The following OXNAD1 variants were observed in gnomAD, a reference collection of about 807,000 sequenced individuals.
OXNAD1 encodes the protein oxidoreductase NAD binding domain containing 1, also known as oxidoreductase NAD-binding domain-containing protein 1.
In OXNAD1, 34 loss-of-function variants were observed where a neutral mutation model predicts 32.9. The ratio of observed to expected loss-of-function variants is 1.03; its 90% confidence interval spans 0.79 to 1.38. OXNAD1 has a LOEUF of 1.38. Ranked by LOEUF, OXNAD1 falls within the 40% of genes most tolerant of loss-of-function variation. The pLI, the probability that OXNAD1 is intolerant of heterozygous loss-of-function variation, is 0.00. For missense variants in OXNAD1, 407 were observed against 379.4 expected (o/e 1.07, Z -0.60); for synonymous variants, 134 against 135.2 (o/e 0.99, Z 0.06).
Position 16,302,856 on chromosome 3 carries a change from C to G in OXNAD1, c.784+108C>G. ...GTTGGAAGCTGCTGGCTGGGAATGT[C>G]ACTATCTGGGGAATTGGGATGATTC... is the stretch of plus-strand genomic sequence containing the variant. On this transcript the variant is annotated intron_variant, in intron 8 of 8. Transcript: ENST00000285083. This position sits in a 1 kb window ranked among gnomAD's most constrained non-coding sequence, Gnocchi z 4.2. The G allele has an allele frequency of 2.4e-6, 2 of 831,244 alleles. No homozygotes were observed. Among genetic ancestry groups the G allele is most frequent in the South Asian group, 3.1e-5 (2 of 64,798 alleles). The allele number at this position is 831,244 out of a possible 1,614,324, so 51.5% of individuals were successfully genotyped here. A position where few individuals can be genotyped will look rare whatever the true frequency, so the allele number is the denominator to read the frequency against.
At position 16,305,217 on chromosome 3, in the gene OXNAD1, T is replaced by G. The variant is rs1273564776; in HGVS notation, c.*1655T>G. ...CTGCGGGGGAGGACACCTAAAGGTA[T>G]GCGGAAAGTACCTAACCCAGACCTC... On this transcript the variant is annotated 3_prime_UTR_variant, in exon 9 of 9. Coordinates refer to ENST00000285083, the MANE Select transcript of OXNAD1 (RefSeq NM_138381.5). The surrounding 1 kb of genome is among the most constrained non-coding windows in gnomAD (Gnocchi z 4.5). 6.6e-6 allele frequency: 1 copy of G among 152,198 alleles called. No homozygotes were observed. Among genetic ancestry groups the G allele is most frequent in the Non-Finnish European group, 1.5e-5 (1 of 68,092 alleles). 9.4% of individuals were successfully genotyped at this position (152,198 alleles called of 1,614,324 possible).
Position 16,303,412 on chromosome 3 carries a change from A to G in OXNAD1, c.789A>G (p.Gly263=). ...NAELKPYITE[G]RITEKEIRDH... ...GTTTATTCTGGTTTTTGGTAGAAGG[A>G]AGAATAACGGAGAAGGAGATAAGAG... The change falls in exon 9 of 9, where the codon GGA becomes GGG. Residue 263 remains glycine (G), a synonymous_variant. Transcript: ENST00000285083. The surrounding 1 kb of genome is among the most constrained non-coding windows in gnomAD (Gnocchi z 4.8). 6.2e-7 allele frequency: 1 copy of G among 1,613,408 alleles called. No individual in the cohort carries two copies. Among genetic ancestry groups the G allele is most frequent in the Non-Finnish European group, 8.5e-7 (1 of 1,179,696 alleles).
downstream of OXNAD1, among the ~76,000 whole-genome samples, chr3:16,307,177 G>A (rs568118454): frequency 3.9e-5 from 6 of 152,288 alleles, no homozygotes; most frequent in African/African-American, 1.2e-4. Flanking sequence ...TAGACGACCA[G>A]TGAGATTATT....
chr3:16,279,862 G>C (rs867375855), intron 4 of OXNAD1, among the ~76,000 whole-genome samples: 1 of 152,152 alleles, frequency 6.6e-6, no homozygotes, highest in African/African-American at 2.4e-5. Flanking sequence ...TGAGAAAGTG[G>C]AGACAGGACC....
At chr3:16,309,962 A>ATTGT (rs145504502), downstream of OXNAD1, among the ~76,000 whole-genome samples, 712 of 152,284 alleles carry the variant, frequency 4.7e-3, 6 homozygotes, top group African/African-American at 0.016. Context: ...TGGGATGACT[A>ATTGT]TTGTTTGTAT....
Position 16,316,986 on chromosome 3 carries a change from A to G in OXNAD1, c.*30+13394A>G. ...GCCTCACCCTCCACACCCACCCCACACAGCAGGCCACCAGGGGACAGCTGT... is the reference window on the plus strand; with the variant it reads ...GCCTCACCCTCCACACCCACCCCACGCAGCAGGCCACCAGGGGACAGCTGT... On this transcript the variant is annotated intron_variant, in intron 9 of 9. Transcript: ENST00000435829. The surrounding 1 kb of genome is among the most constrained non-coding windows in gnomAD (Gnocchi z 4.5). 6.2e-7 allele frequency: 1 copy of G among 1,612,940 alleles called. No homozygotes were observed. The highest frequency in any genetic ancestry group is 1.1e-5 in the South Asian group (1 of 90,992).
rs1463628804 is a variant in OXNAD1 at position 16,303,485 on chromosome 3, A to G, written c.862A>G (p.Met288Val). The change falls in exon 9 of 9, where the codon ATG becomes GTG. Residue 288 changes from methionine to valine, a missense_variant. Coordinates refer to ENST00000285083, the MANE Select transcript of OXNAD1 (RefSeq NM_138381.5). The surrounding 1 kb of genome is among the most constrained non-coding windows in gnomAD (Gnocchi z 4.8). Reference sequence around the variant, plus strand: ...GTTCTATATTTGTGGCCCACCTCCAATGACAGACTTTTTCTCCAAGCAACT... The same window carrying G: ...GTTCTATATTTGTGGCCCACCTCCAGTGACAGACTTTTTCTCCAAGCAACT... ...TLFYICGPPP[M>V]TDFFSKQLEN... The G allele has an allele frequency of 5.6e-6, 9 of 1,613,976 alleles. No individual in the cohort carries two copies. Among genetic ancestry groups the G allele is most frequent in the East Asian group, 4.5e-5 (2 of 44,874 alleles).
At chr3:16,306,202 A>ATAT (rs2067546032), downstream of OXNAD1, 1 of 152,226 alleles carries the variant, frequency 6.6e-6, no homozygotes, top group East Asian at 1.9e-4. Flanking sequence ...GATTTTATTT[A>ATAT]TATTTTTTCA....
chr3:16,323,499 G>C (rs2125204889), intron 9 of OXNAD1: 1 of 1,451,732 alleles, frequency 6.9e-7, no homozygotes. Flanking sequence ...TTATGCCTTA[G>C]AGGAACCCAA....
chr3:16,326,654 A>G (rs978121093), intron 9 of OXNAD1: 2 of 741,104 alleles, frequency 2.7e-6, no homozygotes, highest in Non-Finnish European at 4.4e-6. Context: ...GAGAGTTTAC[A>G]TAACTACCAG....
Position 16,270,847 on chromosome 3 carries a change from C to G in OXNAD1, c.-8-98C>G. On this transcript the variant is annotated intron_variant, in intron 2 of 8. Coordinates refer to ENST00000285083, the MANE Select transcript of OXNAD1 (RefSeq NM_138381.5). ...GTAACTTGACTCATAATAGCACCAACAGAAATCCACACTCTTCCTCACTGA... is the reference window on the plus strand; with the variant it reads ...GTAACTTGACTCATAATAGCACCAAGAGAAATCCACACTCTTCCTCACTGA... The G allele has an allele frequency of 6.5e-6, 10 of 1,531,820 alleles. 1 individual carries two copies. The South Asian group carries it at 1.2e-4, about 19-fold the overall frequency. 94.9% of individuals were successfully genotyped at this position (1,531,820 alleles called of 1,614,324 possible).
At chr3:16,307,719 GTTGTT>G (rs916894911), downstream of OXNAD1, among the ~76,000 whole-genome samples, 6 of 134,380 alleles carry the variant, frequency 4.5e-5, no homozygotes, top group African/African-American at 9.1e-5. Context: ...TTCTCATTGG[GTTGTT>G]TTATTTTTTA....
chr3:16,285,164 A>G (rs556113235), intron 4 of OXNAD1, among the ~76,000 whole-genome samples: 2 of 152,350 alleles, frequency 1.3e-5, no homozygotes, highest in East Asian at 3.9e-4. Flanking sequence ...AGATAATACT[A>G]GAAGATACTT....
chr3:16,272,386 T>C, intron 4 of OXNAD1: 1 of 229,126 alleles, frequency 4.4e-6, no homozygotes, highest in South Asian at 4.9e-5. Context: ...TTTGAATGTT[T>C]ATCACTTACT....
rs959059503 is a variant in OXNAD1, at chr3:16,336,336, C to G, written c.*31-776C>G. 6.6e-6 allele frequency among the ~76,000 whole-genome samples: 1 copy of G among 152,100 alleles called. No homozygotes were observed. Among genetic ancestry groups the G allele is most frequent in the Non-Finnish European group, 1.5e-5 (1 of 68,006 alleles). ...GATCCCAGTCTAGGGGTGGGGAGAA[C>G]AAGCACATGGTTCCCATCCAGTGGA... is the stretch of plus-strand genomic sequence containing the variant. On this transcript the variant is annotated intron_variant, in intron 9 of 9. Transcript: ENST00000435829. This position sits in a 1 kb window ranked among gnomAD's most constrained non-coding sequence, Gnocchi z 6.0.
chr3:16,323,555 AC>A, intron 9 of OXNAD1: 1 of 815,600 alleles, frequency 1.2e-6, no homozygotes, highest in Non-Finnish European at 2.0e-6. Context: ...AAAGCAGACC[AC>A]CCACAGGATT....
At position 16,321,640 on chromosome 3, in the gene OXNAD1, AG is replaced by A. The variant is rs934394272; in HGVS notation, c.*31-15471del. On this transcript the variant is annotated intron_variant, in intron 9 of 9. Transcript: ENST00000435829. The surrounding 1 kb of genome is among the most constrained non-coding windows in gnomAD (Gnocchi z 4.8). ...TGAGGTGACCCAGAGGGTCTTGTGT[AG>A]AACAAGTGCTCCACACCAGTCACCT... is the stretch of plus-strand genomic sequence containing the variant. 6.6e-5 allele frequency among the ~76,000 whole-genome samples: 10 copies of A among 152,154 alleles called. No homozygotes were observed. Among genetic ancestry groups the A allele is most frequent in the African/African-American group, 2.4e-4 (10 of 41,430 alleles).
Position 16,283,390 on chromosome 3 carries a change from G to T in OXNAD1, c.184-2952G>T, listed in dbSNP as rs185712744. On this transcript the variant is annotated intron_variant, in intron 4 of 8. Transcript: ENST00000285083. ...GTCAAGCTAACCTGGATTTGAATCC[G>T]CAATTCCTAGCTAGGTGATCTTGAG... Among the ~76,000 whole-genome samples, 21 of 152,244 alleles carry T rather than the reference G, an allele frequency of 1.4e-4. 1 individual carries two copies. Among genetic ancestry groups the T allele is most frequent in the Admixed American group, 9.8e-4 (15 of 15,290 alleles).
chr3:16,316,957 C>T lies in OXNAD1; in HGVS notation c.*30+13365C>T, dbSNP rs2068459849. 6.2e-7 allele frequency: 1 copy of T among 1,614,054 alleles called. No individual in the cohort carries two copies. On this transcript the variant is annotated intron_variant, in intron 9 of 9. Coordinates refer to the OXNAD1 transcript ENST00000435829. This position sits in a 1 kb window ranked among gnomAD's most constrained non-coding sequence, Gnocchi z 4.5. ...TGCTGTGGCTGGCAGGACCATTCTG[C>T]ACAGCCTCACCCTCCACACCCACCC...
Sources: gnomAD v4.1 joint callset for allele counts (sites outside exome capture counted in the v4.1 genomes callset) on GRCh38, gnomAD v4.1.1 for gene constraint, Gnocchi (gnomAD v3.1) non-coding constraint, MANE v1.5 for transcripts, NCBI Gene and HGNC (gene_info 2026-07-23, HGNC 2026-07-21) for gene names.